The following PCDHGA3 variants were observed in gnomAD, a reference collection of about 807,000 sequenced individuals.
The protein encoded by PCDHGA3 is protocadherin gamma-A3.
Under a neutral mutation model 58.5 loss-of-function variants are expected in PCDHGA3, and 40 were observed. That is an observed-to-expected ratio of 0.68 (90% CI 0.53 to 0.89). The LOEUF is 0.89. Among genes scored for constraint, PCDHGA3 ranks in the 40% least tolerant of loss-of-function variants. The pLI is 0.00. For missense variants in PCDHGA3, 1,223 were observed against 1,195.9 expected, an observed-to-expected ratio of 1.02 and a Z score of -0.33; for synonymous variants, 530 against 525.7, an observed-to-expected ratio of 1.01 and a Z score of -0.11.
rs1205732203 is a variant in PCDHGA3 at position 141,345,602 on chromosome 5, G to C, written c.1569G>C (p.Glu523Asp). The change falls in exon 1 of 4, where the codon GAG (glutamate) becomes GAC (aspartate). Residue 523 changes from glutamate (E) to aspartate (D), a missense_variant. By Grantham distance (45) the Glu-to-Asp change is conservative (BLOSUM62 2). Transcript: ENST00000253812. ...ACGCGCTGAGATCCTTCGACTACGA[G>C]CAATTTAGAGACTTAAAGCTACTGG... ...VLYALRSFDY[E>D]QFRDLKLLVT... 6.2e-7 allele frequency: 1 copy of C among 1,614,174 alleles called. No individual in the cohort carries two copies. The highest frequency in any genetic ancestry group is 1.7e-5 in the Admixed American group (1 of 60,030).
intron 1 of PCDHGA3, chr5:141,355,260 G>C (rs781255825): frequency 6.2e-7 from 1 of 1,613,426 alleles, no homozygotes; most frequent in Admixed American, 1.7e-5. Context: ...GCCTTCTCCT[G>C]GGGGTTCTGG....
At chr5:141,389,998 T>C (rs755639909) in intron 1 of PCDHGA3, 1 of 1,614,046 alleles carries the variant, frequency 6.2e-7, no homozygotes, top group East Asian at 2.2e-5. Context: ...CTCGTGGCCA[T>C]GATTCTGGCC....
intron 1 of PCDHGA3, chr5:141,419,144 A>G: frequency 6.2e-7 from 1 of 1,613,940 alleles, no homozygotes; most frequent in South Asian, 1.1e-5. Context: ...AGACAGGGGC[A>G]AGCCTCCGTT....
Position 141,486,902 on chromosome 5 carries a change from C to T in PCDHGA3, c.2425-7905C>T, listed in dbSNP as rs2099636761. On this transcript the variant is annotated intron_variant, in intron 1 of 3. Transcript: ENST00000253812. This position sits in a 1 kb window ranked among gnomAD's most constrained non-coding sequence, Gnocchi z 5.0. ...TCGGGCCCGGCCTGGTTCCTTATGT[C>T]CCCAAGCACTGCCTCCATCAGTTGG... 1 of 1,614,226 alleles carries T rather than the reference C, an allele frequency of 6.2e-7. No individual in the cohort carries two copies. The highest frequency in any genetic ancestry group is 8.5e-7 in the Non-Finnish European group (1 of 1,180,044).
In PCDHGA3 at chr5:141,489,255, A is replaced by G. The variant is rs909780010; in HGVS notation, c.2425-5552A>G. 2 of 1,548,804 alleles carry G rather than the reference A, an allele frequency of 1.3e-6. No individual in the cohort carries two copies. Among genetic ancestry groups the G allele is most frequent in the Non-Finnish European group, 1.7e-6 (2 of 1,147,848 alleles). On this transcript the variant is annotated intron_variant, in intron 1 of 3. Coordinates refer to ENST00000253812, the MANE Select transcript of PCDHGA3 (RefSeq NM_018916.4). The surrounding 1 kb of genome is among the most constrained non-coding windows in gnomAD (Gnocchi z 4.5). ...ACTTCTGGGTCATGGGGCCCAAGAC[A>G]CTCCCACAGCTCGCTGGGAAATGGC...
intron 1 of PCDHGA3, among the ~76,000 whole-genome samples, chr5:141,465,422 G>A (rs74711061): frequency 0.01 from 1,576 of 152,260 alleles, 21 homozygotes; most frequent in African/African-American, 0.037. Context: ...AGCACTGAAA[G>A]GTGGGCACTT....
intron 1 of PCDHGA3, chr5:141,409,740 T>C: frequency 6.2e-7 from 1 of 1,612,820 alleles, no homozygotes; most frequent in Non-Finnish European, 8.5e-7. Context: ...CAGAGCGGGG[T>C]GGTGTTCGCG....
intron 1 of PCDHGA3, chr5:141,385,839 AT>A (rs758941967): frequency 8.1e-4 from 124 of 153,978 alleles, no homozygotes; most frequent in Admixed American, 2.3e-3. Context: ...CAGTATAATC[AT>A]TTATTAATGG....
At chr5:141,418,568 G>A (rs769914679) in intron 1 of PCDHGA3, 62 of 1,613,902 alleles carry the variant, frequency 3.8e-5, no homozygotes, top group Non-Finnish European at 5.2e-5. Context: ...AGATGCCAAT[G>A]ACAACCCCCC....
At chr5:141,417,875 G>C (rs2096176700) in intron 1 of PCDHGA3, 2 of 1,556,360 alleles carry the variant, frequency 1.3e-6, no homozygotes, top group Non-Finnish European at 1.7e-6. Context: ...AGGGAGCTGC[G>C]CGCAGAGGCG....
At chr5:141,362,128 G>T (rs1359609195) in intron 1 of PCDHGA3, 2 of 1,613,900 alleles carry the variant, frequency 1.2e-6, no homozygotes, top group Admixed American at 3.3e-5. Flanking sequence ...CCTAATCTTC[G>T]CGGATAGCCT....
chr5:141,374,683 G>A (rs757439486), intron 1 of PCDHGA3: 3 of 1,609,586 alleles, frequency 1.9e-6, no homozygotes, highest in South Asian at 2.2e-5. Flanking sequence ...AGGGCACACT[G>A]GACCGGGAAG....
chr5:141,453,205 G>A lies in PCDHGA3; in HGVS notation c.2425-41602G>A, dbSNP rs570291941. On this transcript the variant is annotated intron_variant, in intron 1 of 3. Coordinates refer to ENST00000253812, the MANE Select transcript of PCDHGA3 (RefSeq NM_018916.4). ...CACAGCTCACTGCAGCCTCAACCTC[G>A]TGCACTTAAGCGATCCTCCCACCTC... Among the ~76,000 whole-genome samples the A allele has an allele frequency of 1.1e-4, 17 of 151,990 alleles. No individual in the cohort carries two copies. In the East Asian group the frequency reaches 2.5e-3, roughly 22 times the overall value.
intron 1 of PCDHGA3, among the ~76,000 whole-genome samples, chr5:141,474,417 C>CCATT (rs1206525105): frequency 6.6e-6 from 1 of 152,222 alleles, no homozygotes; most frequent in East Asian, 1.9e-4. Context: ...GATGCCTAGA[C>CCATT]CATTGGTCCT....
intron 1 of PCDHGA3, chr5:141,383,176 G>A: frequency 6.2e-7 from 1 of 1,614,122 alleles, no homozygotes; most frequent in Non-Finnish European, 8.5e-7. Flanking sequence ...GATAGACCGG[G>A]AAGAGATCTG....
chr5:141,355,658 C>T, intron 1 of PCDHGA3: 1 of 1,614,004 alleles, frequency 6.2e-7, no homozygotes, highest in Non-Finnish European at 8.5e-7. Context: ...GCAAGATTTC[C>T]TCTTCCTGAA....
intron 1 of PCDHGA3, among the ~76,000 whole-genome samples, chr5:141,425,504 T>A (rs1049969153): frequency 2.6e-5 from 4 of 152,260 alleles, no homozygotes; most frequent in Non-Finnish European, 5.9e-5. Flanking sequence ...TACCTTTATA[T>A]TCTCTTTATG....
rs2099745591 is a variant in PCDHGA3, at chr5:141,492,999, T to C, written c.2425-1808T>C. Among the ~76,000 whole-genome samples, 3 of 152,350 alleles carry C rather than the reference T, an allele frequency of 2.0e-5. No homozygotes were observed. In the South Asian group the frequency reaches 6.2e-4, roughly 32 times the overall value. ...CTGTCTCCTCTGGCAGATGGAAAGCTATAGGCTCTGCCAGATGCCAGGGTG... is the reference window on the plus strand; with the variant it reads ...CTGTCTCCTCTGGCAGATGGAAAGCCATAGGCTCTGCCAGATGCCAGGGTG... On this transcript the variant is annotated intron_variant, in intron 1 of 3. Coordinates refer to ENST00000253812, the MANE Select transcript of PCDHGA3 (RefSeq NM_018916.4).
In PCDHGA3 at chr5:141,485,433, A is replaced by G. The variant is rs2099613324; in HGVS notation, c.2425-9374A>G. On this transcript the variant is annotated intron_variant, in intron 1 of 3. Transcript: ENST00000253812. The surrounding 1 kb of genome is among the most constrained non-coding windows in gnomAD (Gnocchi z 5.7). The stretch of plus-strand genomic sequence containing the variant: ...TTGGACAGCGGAGCCCTGCTCATCA[A>G]GAACCCAATCGACCGAGAGGCACTG... 6 of 1,614,208 alleles carry G rather than the reference A, an allele frequency of 3.7e-6. No homozygotes were observed. Among genetic ancestry groups the G allele is most frequent in the Non-Finnish European group, 5.1e-6 (6 of 1,180,030 alleles).
Sources: allele counts gnomAD v4.1 joint callset (sites outside exome capture counted in the v4.1 genomes callset), GRCh38; gene constraint gnomAD v4.1.1; non-coding constraint Gnocchi (gnomAD v3.1); transcripts MANE v1.5; gene names NCBI Gene and HGNC (gene_info 2026-07-23, HGNC 2026-07-21).